GPALPP1: variants seen among roughly 807,000 people sequenced by gnomAD.
GPALPP1 encodes GPALPP motifs containing 1, also known as GPALPP motifs-containing protein 1.
A neutral mutation model predicts 38.9 loss-of-function variants in GPALPP1; 30 were observed. The observed-to-expected ratio is 0.77, with a 90% CI of 0.58 to 1.05. The LOEUF (loss-of-function observed/expected upper bound fraction) is 1.05. GPALPP1 is among the 50% of genes least tolerant of loss of function. The probability of loss-of-function intolerance (pLI) is 0.00; values close to 1 mark genes in which losing one functional copy is unlikely to be tolerated. For synonymous variants in GPALPP1, 120 were observed against 139.2 expected, an observed-to-expected ratio of 0.86 and a Z score of 0.97; for missense variants, 384 against 408.8, an observed-to-expected ratio of 0.94 and a Z score of 0.52.
intron 1 of GPALPP1, 72 bp downstream of exon 1, chr13:44,989,814 A>G (rs1433503803): frequency 7.4e-6 from 9 of 1,222,248 alleles, no homozygotes; most frequent in African/African-American, 5.9e-5. Flanking sequence ...CTCGCTGAAG[A>G]AAGTCGGAGG....
At chr13:45,024,512 T>A (rs1021549936) in intron 7 of GPALPP1, among the ~76,000 whole-genome samples, 1 of 151,588 alleles carries the variant, frequency 6.6e-6, no homozygotes, top group Admixed American at 6.6e-5. Flanking sequence ...TTAGCCAGGC[T>A]GGTCTTGAAC....
intron 1 of GPALPP1, among the ~76,000 whole-genome samples, chr13:44,994,381 G>C (rs1183515584): frequency 1.3e-5 from 2 of 151,800 alleles, no homozygotes; most frequent in East Asian, 3.9e-4. Flanking sequence ...TCAGGAATTC[G>C]AGACCAGCCT....
intron 1 of GPALPP1, among the ~76,000 whole-genome samples, chr13:44,995,202 A>ACACACACACACACACACACACACACACAC (rs755761092): frequency 7.3e-5 from 4 of 54,472 alleles, no homozygotes; most frequent in African/African-American, 1.5e-4. Context: ...ACACACACAC[A>ACACACACACACACACACACACACACACAC]CCCCTTCTCT....
intron 2 of GPALPP1, chr13:45,005,095 T>C (rs975543849): frequency 1.8e-5 from 2 of 110,374 alleles, no homozygotes; most frequent in Non-Finnish European, 3.5e-5. Context: ...TCTTTTTTTT[T>C]TTTTTTTTTT....
intron 1 of GPALPP1, chr13:44,989,986 A>G (rs151119497): frequency 0.017 from 9,611 of 581,194 alleles, 99 homozygotes; most frequent in Middle Eastern, 0.025. Context: ...TAGCCTTAAT[A>G]TGAGCTGCAC....
chr13:44,993,688 A>G (rs1445481852), intron 1 of GPALPP1, among the ~76,000 whole-genome samples: 3 of 152,018 alleles, frequency 2.0e-5, no homozygotes, highest in African/African-American at 7.2e-5. Context: ...TCTCAAAAAA[A>G]AAAAAAAAAT....
intron 1 of GPALPP1, among the ~76,000 whole-genome samples, chr13:44,995,506 AAAAT>A (rs1404893314): frequency 2.6e-5 from 4 of 152,212 alleles, no homozygotes; most frequent in African/African-American, 9.6e-5. Context: ...ACTTCTAAAA[AAAAT>A]CTTTCAATGT....
chr13:45,003,650 T>C (rs1873849348), intron 1 of GPALPP1, among the ~76,000 whole-genome samples: 1 of 152,190 alleles, frequency 6.6e-6, no homozygotes, highest in African/African-American at 2.4e-5. Flanking sequence ...TAGTAATTTG[T>C]AATTTTGCTG....
intron 6 of GPALPP1, among the ~76,000 whole-genome samples, chr13:45,020,106 C>T (rs1414745297): frequency 2.0e-5 from 3 of 151,898 alleles, no homozygotes; most frequent in African/African-American, 4.8e-5. Context: ...GTCTCGAACT[C>T]GTCACCTCAG....
At chr13:45,004,878 A>G (rs1873963382) in intron 2 of GPALPP1, among the ~76,000 whole-genome samples, 1 of 151,390 alleles carries the variant, frequency 6.6e-6, no homozygotes, top group Non-Finnish European at 1.5e-5. Flanking sequence ...CTGGTCTCAA[A>G]CTCCTGGACT....
chr13:45,027,739 T>G (rs1448561151), intron 7 of GPALPP1, 46 bp from the exon 8 acceptor site: 7 of 874,104 alleles, frequency 8.0e-6, no homozygotes, highest in Non-Finnish European at 1.3e-5. Flanking sequence ...GTCAATAATC[T>G]ATATACAAAC....
At chr13:45,022,408 C>G (rs1875493142) in intron 7 of GPALPP1, among the ~76,000 whole-genome samples, 1 of 151,754 alleles carries the variant, frequency 6.6e-6, no homozygotes, top group Non-Finnish European at 1.5e-5. Context: ...TGCATTTTAT[C>G]ATATGTATAT....
chr13:44,989,839 G>A (rs1872651246), intron 1 of GPALPP1, 97 bp downstream of exon 1: 4 of 852,556 alleles, frequency 4.7e-6, no homozygotes, highest in Admixed American at 4.7e-5. Flanking sequence ...GGAGGGCGGA[G>A]GAGTGGGGAG....
intron 1 of GPALPP1, chr13:45,002,072 G>C (rs1252398322): frequency 1.3e-5 from 2 of 152,260 alleles, no homozygotes; most frequent in African/African-American, 4.8e-5. Flanking sequence ...TTGTTTGTTT[G>C]TTTGGTAATT....
intron 7 of GPALPP1, among the ~76,000 whole-genome samples, chr13:45,027,427 T>A (rs1208818230): frequency 1.3e-5 from 2 of 152,222 alleles, no homozygotes; most frequent in Non-Finnish European, 2.9e-5. Flanking sequence ...ATCCGTGTTC[T>A]TACTACTTTT....
Position 45,015,564 on chromosome 13 carries a change from G to GCTCAGAAGTCAA in GPALPP1, c.673_674insCTCAGAAGTCAA (p.Asp225delinsAlaGlnLysSerAsn). 1 of 1,574,848 alleles carries GCTCAGAAGTCAA rather than the reference G, an allele frequency of 6.3e-7. No individual in the cohort carries two copies. The highest frequency in any genetic ancestry group is 8.6e-7 in the Non-Finnish European group (1 of 1,161,264). Reference sequence around the variant, plus strand: ...ATCTGGAGATCGATCAATCTGGACAGATACTCCAGCTGATAGGGAAAGGAA... The same window carrying GCTCAGAAGTCAA: ...ATCTGGAGATCGATCAATCTGGACAGCTCAGAAGTCAAATACTCCAGCTGATAGGGAAAGGAA... On this transcript the variant is annotated protein_altering_variant, in exon 6 of 8. Transcript: ENST00000379151.
intron 1 of GPALPP1, among the ~76,000 whole-genome samples, chr13:44,995,202 A>ACACACACAC (rs755761092): frequency 3.7e-5 from 2 of 54,474 alleles, no homozygotes; most frequent in Non-Finnish European, 6.0e-5. Context: ...ACACACACAC[A>ACACACACAC]CCCCTTCTCT....
rs1876078398 is a variant in GPALPP1 at position 45,029,474 on chromosome 13, T to C, written c.*1471T>C. 1 of 152,242 alleles carries C rather than the reference T, an allele frequency of 6.6e-6. No individual in the cohort carries two copies. The allele number at this position is 152,242 out of a possible 1,614,324, so 9.4% of individuals were successfully genotyped here. A position where few individuals can be genotyped will look rare whatever the true frequency, so the allele number is the denominator to read the frequency against. On this transcript the variant is annotated 3_prime_UTR_variant, in exon 8 of 8. Coordinates refer to ENST00000379151, the MANE Select transcript of GPALPP1 (RefSeq NM_018559.5). Reference sequence around the variant, plus strand: ...TGGAAGTATGGGGAATTATGGGCTTTTCTTCAAATAATTATTTTAAGAGGC... The same window carrying C: ...TGGAAGTATGGGGAATTATGGGCTTCTCTTCAAATAATTATTTTAAGAGGC...
chr13:45,002,101 A>T (rs957384785), intron 1 of GPALPP1: 6 of 152,292 alleles, frequency 3.9e-5, no homozygotes, highest in Non-Finnish European at 7.3e-5. Context: ...GTCTGTCCTG[A>T]CCCACAACCT....
Sources: gnomAD v4.1 joint callset for allele counts (sites outside exome capture counted in the v4.1 genomes callset) on GRCh38, gnomAD v4.1.1 for gene constraint, MANE v1.5 for transcripts, NCBI Gene and HGNC (gene_info 2026-07-23, HGNC 2026-07-21) for gene names.